The following XRCC5 variants were observed in gnomAD, a reference collection of about 807,000 sequenced individuals.
XRCC5 encodes the protein DNA repair protein Ku80.
Under a neutral mutation model 95.7 loss-of-function variants are expected in XRCC5, and 12 were observed. The observed-to-expected ratio is 0.13, with a 90% CI of 0.08 to 0.20. XRCC5 has a LOEUF of 0.20. XRCC5 is among the 10% of genes least tolerant of loss of function. The pLI, the probability that XRCC5 is intolerant of heterozygous loss-of-function variation, is 1.00. For synonymous variants in XRCC5, 281 were observed against 290.3 expected (o/e 0.97, Z 0.33); for missense variants, 595 against 873.9 (o/e 0.68, Z 4.02).
At chr2:216,158,861 T>G (rs1188287232) in intron 14 of XRCC5, among the ~76,000 whole-genome samples, 1 of 152,250 alleles carries the variant, frequency 6.6e-6, no homozygotes, top group Non-Finnish European at 1.5e-5. Context: ...TTTTATTTTC[T>G]CTTGGCTTCA....
intron 16 of XRCC5, among the ~76,000 whole-genome samples, chr2:216,182,483 C>T (rs1337952284): frequency 2.0e-5 from 3 of 152,160 alleles, no homozygotes; most frequent in Non-Finnish European, 4.4e-5. Flanking sequence ...TGATAAGGTT[C>T]TTAATTCTTC....
In XRCC5 at chr2:216,205,989, C is replaced by G. The variant is rs1209717657; in HGVS notation, c.*787C>G. The G allele has an allele frequency of 6.6e-6, 1 of 152,216 alleles. No homozygotes were observed. Among genetic ancestry groups the G allele is most frequent in the Non-Finnish European group, 1.5e-5 (1 of 68,032 alleles). The allele number at this position is 152,216 out of a possible 1,614,324, so 9.4% of individuals were successfully genotyped here. On this transcript the variant is annotated 3_prime_UTR_variant, in exon 21 of 21. Coordinates refer to ENST00000392132, the MANE Select transcript of XRCC5 (RefSeq NM_021141.4). The stretch of plus-strand genomic sequence containing the variant: ...ATATCACTTCACTGTTCTCTACTTG[C>G]AAGCCTCAAAGAGAGAAAGTTTCGT...
intron 16 of XRCC5, among the ~76,000 whole-genome samples, chr2:216,169,500 T>C (rs1170656173): frequency 6.6e-6 from 1 of 152,210 alleles, no homozygotes; most frequent in Non-Finnish European, 1.5e-5. Context: ...CAGCATCTGG[T>C]AGAGCTGCAA....
chr2:216,187,821 A>ACTCTCTCT (rs371097633), intron 16 of XRCC5, among the ~76,000 whole-genome samples: 84 of 47,962 alleles, frequency 1.8e-3, no homozygotes, highest in African/African-American at 3.3e-3. Context: ...ACACACACAC[A>ACTCTCTCT]CTCTCTCTCT....
intron 14 of XRCC5, among the ~76,000 whole-genome samples, chr2:216,153,271 C>T (rs1307888641): frequency 2.0e-5 from 3 of 152,198 alleles, no homozygotes; most frequent in Admixed American, 6.5e-5. Context: ...TCTTGAGACT[C>T]ATGTATCTGT....
intron 5 of XRCC5, among the ~76,000 whole-genome samples, chr2:216,120,076 T>C (rs900211360): frequency 1.3e-5 from 2 of 151,376 alleles, no homozygotes; most frequent in Non-Finnish European, 2.9e-5. Flanking sequence ...AGTAGTCTTC[T>C]CTTAAGACTA....
At chr2:216,193,703 G>A (rs940556275) in intron 18 of XRCC5, among the ~76,000 whole-genome samples, 6 of 152,196 alleles carry the variant, frequency 3.9e-5, no homozygotes, top group African/African-American at 1.2e-4. Flanking sequence ...AATGCCTATA[G>A]CGTATTATTT....
intron 16 of XRCC5, chr2:216,175,850 C>G: frequency 2.3e-6 from 1 of 430,226 alleles, no homozygotes; most frequent in Non-Finnish European, 4.5e-6. Flanking sequence ...TGTGAGTGTG[C>G]CCCCTTTCTC....
At chr2:216,117,546 T>G in intron 3 of XRCC5, 200 bp from the exon 4 acceptor site, 1 of 507,460 alleles carries the variant, frequency 2.0e-6, no homozygotes, top group Non-Finnish European at 3.5e-6. Flanking sequence ...CTTGGTTGTT[T>G]TTGGCAGAAT....
intron 1 of XRCC5, chr2:216,111,314 G>C (rs1057444402): frequency 2.0e-5 from 8 of 402,814 alleles, no homozygotes; most frequent in Non-Finnish European, 4.0e-5. Flanking sequence ...TTAAGCCAAG[G>C]AGTTTGAGAC....
intron 4 of XRCC5, 89 bp downstream of exon 4, chr2:216,117,883 T>A (rs1450735343): frequency 5.4e-6 from 7 of 1,293,642 alleles, no homozygotes; most frequent in Non-Finnish European, 7.8e-6. Context: ...TGATTCATTG[T>A]TAATCAAGCT....
intron 16 of XRCC5, among the ~76,000 whole-genome samples, chr2:216,177,654 A>G (rs1472526137): frequency 1.3e-5 from 2 of 152,200 alleles, no homozygotes; most frequent in Non-Finnish European, 2.9e-5. Flanking sequence ...CAGCAGGTAT[A>G]TCAAGTACAT....
rs199772718 is a variant in XRCC5 at position 216,139,255 on chromosome 2, T to C, written c.1342+1076T>C. Among the ~76,000 whole-genome samples, 32 of 152,142 alleles carry C rather than the reference T, an allele frequency of 2.1e-4. No homozygotes were observed. The East Asian group carries it at 5.8e-3, about 28-fold the overall frequency. The stretch of plus-strand genomic sequence containing the variant: ...TCAAACTCCCTGTGTATTAGTTCAT[T>C]TTCATACTGCTGATAAAGACATACC... On this transcript the variant is annotated intron_variant, in intron 12 of 20. Coordinates refer to ENST00000392132, the MANE Select transcript of XRCC5 (RefSeq NM_021141.4).
intron 19 of XRCC5, among the ~76,000 whole-genome samples, chr2:216,195,413 GTTTC>G (rs537684581): frequency 4.0e-3 from 257 of 63,644 alleles, no homozygotes; most frequent in Non-Finnish European, 6.9e-3. Flanking sequence ...CTCTCTCTCT[GTTTC>G]TTTCTTTCTT....
intron 4 of XRCC5, 91 bp from the exon 5 acceptor site, chr2:216,118,952 A>G (rs1055211322): frequency 7.3e-7 from 1 of 1,368,990 alleles, no homozygotes; most frequent in Non-Finnish European, 1.0e-6. Context: ...ATCCATTTCT[A>G]AGCTTCTCTC....
chr2:216,157,688 T>C (rs969749966), intron 14 of XRCC5, among the ~76,000 whole-genome samples: 6 of 152,244 alleles, frequency 3.9e-5, no homozygotes, highest in Admixed American at 1.3e-4. Context: ...GTGGCTGATA[T>C]ATAGTACATA....
chr2:216,144,845 C>T (rs1688592924), intron 13 of XRCC5, among the ~76,000 whole-genome samples: 1 of 151,992 alleles, frequency 6.6e-6, no homozygotes, highest in South Asian at 2.1e-4. Context: ...GGAGAGAGAA[C>T]AAAGTAGAGA....
intron 3 of XRCC5, chr2:216,117,401 G>C (rs1307254681): frequency 3.8e-6 from 1 of 266,652 alleles, no homozygotes; most frequent in African/African-American, 2.2e-5. Context: ...GGAGTGACTT[G>C]CAAATGCTAC....
chr2:216,155,101 C>G (rs1275956339), intron 14 of XRCC5, among the ~76,000 whole-genome samples: 1 of 151,650 alleles, frequency 6.6e-6, no homozygotes, highest in African/African-American at 2.4e-5. Flanking sequence ...TGGCACACAC[C>G]TGTAGTCCCA....
Sources: gnomAD v4.1 joint callset for allele counts (sites outside exome capture counted in the v4.1 genomes callset) on GRCh38, gnomAD v4.1.1 for gene constraint, MANE v1.5 for transcripts, NCBI Gene and HGNC (gene_info 2026-07-23, HGNC 2026-07-21) for gene names.